MDC1: variants seen among roughly 807,000 people sequenced by gnomAD.
The protein encoded by MDC1 is mediator of DNA damage checkpoint 1.
Under a neutral mutation model 142.5 loss-of-function variants are expected in MDC1, and 81 were observed. The observed-to-expected ratio is 0.57, with a 90% CI of 0.47 to 0.68. The LOEUF (loss-of-function observed/expected upper bound fraction) is 0.68, where lower values mean the gene tolerates loss of function less well. Ranked by LOEUF, MDC1 falls within the 30% of genes least tolerant of loss-of-function variation. The probability of loss-of-function intolerance (pLI) is 0.00; values close to 1 mark genes in which losing one functional copy is unlikely to be tolerated. For missense variants in MDC1, 2,119 were observed against 2,547.9 expected (o/e 0.83, Z 3.62); for synonymous variants, 797 against 968.4 (o/e 0.82, Z 3.29).
chr6:30,702,491 T>C, intron 14 of MDC1, 62 bp downstream of exon 14: 2 of 1,340,446 alleles, frequency 1.5e-6, no homozygotes, highest in East Asian at 2.4e-5. Context: ...ATCTTTGCCA[T>C]TCCAGCCACC....
rs1581612463 is a variant in MDC1 at position 30,712,357 on chromosome 6, C to G, written c.1585G>C (p.Val529Leu). The G allele has an allele frequency of 1.4e-5, 23 of 1,612,992 alleles. No homozygotes were observed. Among genetic ancestry groups the G allele is most frequent in the Non-Finnish European group, 1.9e-5 (22 of 1,180,068 alleles). ...TGTATAATGGCTGACCCTGGCGGGA[C>G]TTCCTTCTCCACTTGTGTGTTGATG... Reference protein sequence around the residue: ...VDINTQVEKEVPPGSAIIHIK... With the variant: ...VDINTQVEKELPPGSAIIHIK... Residue 529 changes from valine (V) to leucine (L), a missense_variant, in exon 5 of 15, where the codon GTC (valine) becomes CTC (leucine). Physicochemically the swap from Val to Leu is conservative, Grantham distance 32. Transcript: ENST00000376406. The surrounding 1 kb of genome is among the most constrained non-coding windows in gnomAD (Gnocchi z 4.7).
At position 30,716,398 on chromosome 6, in the gene MDC1, A is replaced by G. The variant is rs1775671870; in HGVS notation, c.-4+847T>C. Among the ~76,000 whole-genome samples, 1 of 151,880 alleles carries G rather than the reference A, an allele frequency of 6.6e-6. No homozygotes were observed. The highest frequency in any genetic ancestry group is 2.4e-5 in the African/African-American group (1 of 41,342). On this transcript the variant is annotated intron_variant, in intron 1 of 14. Transcript: ENST00000376406. This position sits in a 1 kb window ranked among gnomAD's most constrained non-coding sequence, Gnocchi z 4.4. Reference sequence around the variant, plus strand: ...GGCATCACGCCTGGCTAATTTTTGTATTTTTAGTAGAGACGGGGTTTCACC... The same window carrying G: ...GGCATCACGCCTGGCTAATTTTTGTGTTTTTAGTAGAGACGGGGTTTCACC...
intron 9 of MDC1, 49 bp downstream of exon 9, chr6:30,707,335 A>C: frequency 6.5e-7 from 1 of 1,539,862 alleles, no homozygotes. Flanking sequence ...GCATTGGAGA[A>C]GATATAGAGA....
chr6:30,716,016 C>A lies in MDC1; in HGVS notation c.-3-838G>T, dbSNP rs928065461. 1.3e-5 allele frequency among the ~76,000 whole-genome samples: 2 copies of A among 152,066 alleles called. No individual in the cohort carries two copies. The highest frequency in any genetic ancestry group is 2.9e-5 in the Non-Finnish European group (2 of 68,000). ...TAAAATCTAAACTCCTTAGCGAGACCCTCCATGATCTGAACTTCACATCTT... is the reference window on the plus strand; with the variant it reads ...TAAAATCTAAACTCCTTAGCGAGACACTCCATGATCTGAACTTCACATCTT... On this transcript the variant is annotated intron_variant, in intron 1 of 14. Transcript: ENST00000376406. The surrounding 1 kb of genome is among the most constrained non-coding windows in gnomAD (Gnocchi z 4.4).
In MDC1 at chr6:30,707,814, G is replaced by C. The variant is rs770846685; in HGVS notation, c.2765C>G (p.Pro922Arg). ...TGGATCGCACTCTCTGTTTGCTACT[G>C]GTCTCTCTACTTCTCTCTCAAATGC... ...SKAFEREVER[P>R]VANRECDPAE... Residue 922 changes from proline to arginine, a missense_variant, in exon 8 of 15, where the codon CCA (proline) becomes CGA (arginine). Coordinates refer to ENST00000376406, the MANE Select transcript of MDC1 (RefSeq NM_014641.3). 1 of 1,613,012 alleles carries C rather than the reference G, an allele frequency of 6.2e-7. No individual in the cohort carries two copies. Among genetic ancestry groups the C allele is most frequent in the Admixed American group, 1.7e-5 (1 of 60,004 alleles).
At position 30,711,863 on chromosome 6, in the gene MDC1, C is replaced by A. The variant is rs779888696; in HGVS notation, c.2068+11G>T. The stretch of plus-strand genomic sequence containing the variant: ...GATTTCAGAGGTCTAGGAAGGAAGG[C>A]CAGCACTTACCACCATAGTTGTCTT... On this transcript the variant is annotated intron_variant, in intron 5 of 14. Coordinates refer to ENST00000376406, the MANE Select transcript of MDC1 (RefSeq NM_014641.3). 3 of 1,535,942 alleles carry A rather than the reference C, an allele frequency of 2.0e-6. No individual in the cohort carries two copies. The highest frequency in any genetic ancestry group is 1.8e-6 in the Non-Finnish European group (2 of 1,141,860).
chr6:30,703,402 T>A lies in MDC1; in HGVS notation c.5682+16A>T. 5 of 1,613,638 alleles carry A rather than the reference T, an allele frequency of 3.1e-6. No individual in the cohort carries two copies. Among genetic ancestry groups the A allele is most frequent in the Middle Eastern group, 1.6e-4 (1 of 6,062 alleles). The stretch of plus-strand genomic sequence containing the variant: ...CATCTCTGTCTCCCACAAAGTCCCA[T>A]GCCTTTGTCTCTTACTTTGGGGGCT... On this transcript the variant is annotated intron_variant, in intron 11 of 14. Transcript: ENST00000376406. The surrounding 1 kb of genome is among the most constrained non-coding windows in gnomAD (Gnocchi z 4.4).
rs771933981 is a variant in MDC1, at chr6:30,706,095, C to A, written c.3088G>T (p.Asp1030Tyr). The change falls in exon 10 of 15, where the codon GAT becomes TAT. Residue 1030 changes from aspartate (D) to tyrosine (Y), a missense_variant. Coordinates refer to ENST00000376406, the MANE Select transcript of MDC1 (RefSeq NM_014641.3). Reference protein sequence around the residue: ...IRAAEKVSRGDQESPDACLPP... With the variant: ...IRAAEKVSRGYQESPDACLPP... ...AGACAAGCATCTGGAGATTCCTGAT[C>A]GCCCTAGGGAGAAACAGAAGCAAGT... 1.7e-4 allele frequency: 269 copies of A among 1,570,266 alleles called. No homozygotes were observed. The highest frequency in any genetic ancestry group is 2.2e-4 in the Non-Finnish European group (254 of 1,167,674).
Position 30,703,544 on chromosome 6 carries a change from T to C in MDC1, c.5563-7A>G, listed in dbSNP as rs761916797. 3.7e-6 allele frequency: 6 copies of C among 1,613,038 alleles called. No individual in the cohort carries two copies. Among genetic ancestry groups the C allele is most frequent in the East Asian group, 4.5e-5 (2 of 44,884 alleles). On this transcript the variant is annotated splice_region_variant and splice_polypyrimidine_tract_variant and intron_variant, in intron 10 of 14. Transcript: ENST00000376406. This position sits in a 1 kb window ranked among gnomAD's most constrained non-coding sequence, Gnocchi z 4.4. ...GTTTTGGAGTCACGACATCCTGAGA[T>C]TGAGAAAAATCTTGGTGGGAGTTTC...
Position 30,705,254 on chromosome 6 carries a change from G to A in MDC1, c.3929C>T (p.Thr1310Ile), listed in dbSNP as rs1581556278. 2 of 1,603,300 alleles carry A rather than the reference G, an allele frequency of 1.2e-6. No individual in the cohort carries two copies. Among genetic ancestry groups the A allele is most frequent in the Non-Finnish European group, 8.5e-7 (1 of 1,175,672 alleles). ...PVTPKPTSRTTRSRTNMSSVK... is the reference protein window; with the variant it reads ...PVTPKPTSRTIRSRTNMSSVK... The stretch of plus-strand genomic sequence containing the variant: ...AGAGGACATATTTGTCCTGCTCCTA[G>A]TGGTCCGAGATGTGGGCTTGGGGGT... The change falls in exon 10 of 15, where the codon ACT becomes ATT. Residue 1310 changes from threonine (T) to isoleucine (I), a missense_variant. Coordinates refer to ENST00000376406, the MANE Select transcript of MDC1 (RefSeq NM_014641.3).
chr6:30,705,385 A>G lies in MDC1; in HGVS notation c.3798T>C (p.Tyr1266=), dbSNP rs1297831717. 6.3e-7 allele frequency: 1 copy of G among 1,598,758 alleles called. No individual in the cohort carries two copies. The highest frequency in any genetic ancestry group is 8.5e-7 in the Non-Finnish European group (1 of 1,174,518). The change falls in exon 10 of 15, where the codon TAT becomes TAC. Residue 1266 remains tyrosine, a synonymous_variant. Transcript: ENST00000376406. ...TDQPVTSEPT[Y]QATRGRKNRS... ...TATTTTTTCTTCCCCTAGTAGCCTG[A>G]TATGTGGGCTCAGAAGTGACAGGCT...
chr6:30,708,554 C>G (rs1774299209), intron 7 of MDC1, among the ~76,000 whole-genome samples, 197 bp from the exon 8 acceptor site: 1 of 152,050 alleles, frequency 6.6e-6, no homozygotes, highest in African/African-American at 2.4e-5. Flanking sequence ...ACGTTTGTCT[C>G]AAAAAGGTCA....
At chr6:30,700,742 G>T in intron 14 of MDC1, 110 bp from the exon 15 acceptor site, 2 of 1,077,746 alleles carry the variant, frequency 1.9e-6, no homozygotes, top group South Asian at 1.5e-5. Flanking sequence ...CTAATATGAA[G>T]CCAAGTGAAG....
In MDC1 at chr6:30,711,860, A is replaced by G; in HGVS notation, c.2068+14T>C. The G allele has an allele frequency of 1.3e-6, 2 of 1,534,764 alleles. No individual in the cohort carries two copies. Among genetic ancestry groups the G allele is most frequent in the Non-Finnish European group, 1.8e-6 (2 of 1,141,302 alleles). ...GTTGATTTCAGAGGTCTAGGAAGGA[A>G]GGCCAGCACTTACCACCATAGTTGT... On this transcript the variant is annotated intron_variant, in intron 5 of 14. Coordinates refer to ENST00000376406, the MANE Select transcript of MDC1 (RefSeq NM_014641.3).
In MDC1 at chr6:30,704,636, C is replaced by A. The variant is rs201576197; in HGVS notation, c.4547G>T (p.Arg1516Met). 310 of 1,609,902 alleles carry A rather than the reference C, an allele frequency of 1.9e-4. No individual in the cohort carries two copies. The highest frequency in any genetic ancestry group is 1.9e-4 in the Non-Finnish European group (220 of 1,178,274). ...VTSEPTSRTT[R>M]GRKNRSSVKT... is the part of the protein sequence containing the mutation. Reference sequence around the variant, plus strand: ...GACAGAGGACCGATTTTTTCTTCCCCTAGTGGTCCGAGATGTGGGCTCAGA... The same window carrying A: ...GACAGAGGACCGATTTTTTCTTCCCATAGTGGTCCGAGATGTGGGCTCAGA... Residue 1516 changes from arginine (R) to methionine (M), a missense_variant, in exon 10 of 15, where the codon AGG (arginine) becomes ATG (methionine). Coordinates refer to ENST00000376406, the MANE Select transcript of MDC1 (RefSeq NM_014641.3).
Position 30,709,705 on chromosome 6 carries a change from T to C in MDC1, c.2222-1348A>G, listed in dbSNP as rs1774526595. Among the ~76,000 whole-genome samples the C allele has an allele frequency of 6.6e-6, 1 of 152,206 alleles. No homozygotes were observed. Among genetic ancestry groups the C allele is most frequent in the Non-Finnish European group, 1.5e-5 (1 of 68,044 alleles). On this transcript the variant is annotated intron_variant, in intron 7 of 14. Coordinates refer to ENST00000376406, the MANE Select transcript of MDC1 (RefSeq NM_014641.3). This position sits in a 1 kb window ranked among gnomAD's most constrained non-coding sequence, Gnocchi z 4.2. ...TAGCCTTTGGTAACCACCATTCTACTCTCTACTTCCATGAGATCCATGTTT... is the reference window on the plus strand; with the variant it reads ...TAGCCTTTGGTAACCACCATTCTACCCTCTACTTCCATGAGATCCATGTTT...
In MDC1 at chr6:30,712,739, G is replaced by A; in HGVS notation, c.1203C>T (p.Asn401=). The part of the protein sequence containing the change: ...LEKSQASMVI[N]SDTDDEEEVS... ...CTTCTTCCTCGTCATCTGTATCGCT[G>A]TTGATAACCATGGAAGCTTGGCTTT... is the stretch of plus-strand genomic sequence containing the variant. The change falls in exon 5 of 15, where the codon AAC becomes AAT. Residue 401 remains asparagine, a synonymous_variant. Transcript: ENST00000376406. This position sits in a 1 kb window ranked among gnomAD's most constrained non-coding sequence, Gnocchi z 4.7. 2 of 1,613,056 alleles carry A rather than the reference G, an allele frequency of 1.2e-6. No individual in the cohort carries two copies. Among genetic ancestry groups the A allele is most frequent in the Non-Finnish European group, 1.7e-6 (2 of 1,180,044 alleles).
intron 12 of MDC1, 105 bp from the exon 13 acceptor site, chr6:30,702,982 G>T: frequency 1.3e-6 from 2 of 1,584,992 alleles, no homozygotes. Context: ...AATCAATGCA[G>T]GCTTCTGGCT....
rs1390605696 is a variant in MDC1, at chr6:30,713,148, A to G, written c.794T>C (p.Val265Ala). The G allele has an allele frequency of 1.9e-6, 3 of 1,612,658 alleles. No homozygotes were observed. The highest frequency in any genetic ancestry group is 2.5e-6 in the Non-Finnish European group (3 of 1,179,816). The change falls in exon 5 of 15, where the codon GTG (valine) becomes GCG (alanine). Residue 265 changes from valine (V) to alanine (A), a missense_variant. Coordinates refer to ENST00000376406, the MANE Select transcript of MDC1 (RefSeq NM_014641.3). This position sits in a 1 kb window ranked among gnomAD's most constrained non-coding sequence, Gnocchi z 4.9. Reference sequence around the variant, plus strand: ...TTTTGTATCATTGTCCCTCTCCTTCACTAAAGGCTGATCCTTTTCAAGCTG... The same window carrying G: ...TTTTGTATCATTGTCCCTCTCCTTCGCTAAAGGCTGATCCTTTTCAAGCTG... Reference protein sequence around the residue: ...EIQLEKDQPLVKERDNDTKVK... With the variant: ...EIQLEKDQPLAKERDNDTKVK...
Sources: allele counts gnomAD v4.1 joint callset (sites outside exome capture counted in the v4.1 genomes callset), GRCh38; gene constraint gnomAD v4.1.1; non-coding constraint Gnocchi (gnomAD v3.1); transcripts MANE v1.5; gene names NCBI Gene and HGNC (gene_info 2026-07-23, HGNC 2026-07-21).